Variants in CLN8 observed in about 807,000 individuals in gnomAD.
The protein encoded by CLN8 is CLN8 transmembrane ER and ERGIC protein, also known as protein CLN8.
CLN8 carries 14 observed loss-of-function variants against 15.7 expected under a neutral mutation model. The ratio of observed to expected loss-of-function variants is 0.89; its 90% CI spans 0.59 to 1.39. CLN8 has a LOEUF of 1.39. Ranked by LOEUF, CLN8 falls within the 40% of genes most tolerant of loss-of-function variation. The probability of loss-of-function intolerance (pLI) is 0.00; values close to 1 mark genes in which losing one functional copy is unlikely to be tolerated. For missense variants in CLN8, 415 were observed against 364.0 expected, an observed-to-expected ratio of 1.14 and a Z score of -1.14; for synonymous variants, 188 against 151.0, an observed-to-expected ratio of 1.25 and a Z score of -1.80.
chr8:1,756,932 C>G (rs1239478176), intron 1 of CLN8, among the ~76,000 whole-genome samples: 1 of 152,134 alleles, frequency 6.6e-6, no homozygotes, highest in East Asian at 1.9e-4. Flanking sequence ...ACCCACCCAC[C>G]TCGGCATCCC....
chr8:1,768,869 T>A (rs1660335364), intron 1 of CLN8, among the ~76,000 whole-genome samples: 1 of 152,092 alleles, frequency 6.6e-6, no homozygotes, highest in Admixed American at 6.5e-5. Flanking sequence ...TTAACAGAAA[T>A]GTGTTTGGAG....
chr8:1,755,492 C>G (rs1038624192), upstream of CLN8, among the ~76,000 whole-genome samples: 7 of 152,192 alleles, frequency 4.6e-5, no homozygotes, highest in Non-Finnish European at 1.0e-4. Flanking sequence ...ATACAAGTGC[C>G]TCCCCCCGTT....
chr8:1,760,109 T>G (rs1800757746), upstream of CLN8: 1 of 152,202 alleles, frequency 6.6e-6, no homozygotes, highest in South Asian at 2.1e-4. Context: ...CATGGCATCG[T>G]ACTTCAAAAT....
At chr8:1,767,784 G>A (rs1465642176) in intron 1 of CLN8, among the ~76,000 whole-genome samples, 1 of 151,780 alleles carries the variant, frequency 6.6e-6, no homozygotes, top group Non-Finnish European at 1.5e-5. Flanking sequence ...TGTTGGCCAG[G>A]CTGGTCTCGA....
chr8:1,760,373 C>G (rs953957545), upstream of CLN8: 2 of 152,106 alleles, frequency 1.3e-5, no homozygotes, highest in Non-Finnish European at 1.5e-5. Context: ...GAGGGGAGTA[C>G]ACAGGCTGTA....
intron 2 of CLN8, among the ~76,000 whole-genome samples, chr8:1,772,374 T>C (rs964826021): frequency 1.6e-4 from 24 of 152,252 alleles, no homozygotes; most frequent in African/African-American, 5.5e-4. Flanking sequence ...TAGCACTTTC[T>C]TTCTGTTTTT....
chr8:1,785,912 C>A lies in CLN8; in HGVS notation c.*5345C>A. On this transcript the variant is annotated 3_prime_UTR_variant, in exon 3 of 3. Coordinates refer to ENST00000331222, the MANE Select transcript of CLN8 (RefSeq NM_018941.4). ...AGCCCTCAGGGTCTCCAGACCCCAG[C>A]CCCACTCACACAGCAGCCTAGGAAG... 6.5e-6 allele frequency: 1 copy of A among 154,066 alleles called. No individual in the cohort carries two copies. Among genetic ancestry groups the A allele is most frequent in the Non-Finnish European group, 1.4e-5 (1 of 69,068 alleles). 9.5% of individuals were successfully genotyped at this position (154,066 alleles called of 1,614,324 possible).
chr8:1,777,243 A>G (rs1384112053), intron 2 of CLN8, among the ~76,000 whole-genome samples: 2 of 152,212 alleles, frequency 1.3e-5, no homozygotes, highest in African/African-American at 4.8e-5. Context: ...ATAGAAAGGT[A>G]TAGTAAAAAT....
At chr8:1,769,036 C>T (rs922736159) in intron 1 of CLN8, among the ~76,000 whole-genome samples, 1 of 152,150 alleles carries the variant, frequency 6.6e-6, no homozygotes, top group African/African-American at 2.4e-5. Context: ...CAGCATGACA[C>T]GGGAGCCGTT....
Position 1,785,834 on chromosome 8 carries a change from A to G in CLN8, c.*5267A>G. The G allele has an allele frequency of 6.2e-6, 1 of 162,402 alleles. No homozygotes were observed. The highest frequency in any genetic ancestry group is 1.4e-4 in the South Asian group (1 of 6,970). The allele number at this position is 162,402 out of a possible 1,614,324, so 10.1% of individuals were successfully genotyped here. ...CTGCTGTGGCTTCGGCAGTAAAGACAGGACGCACCCATGTCACAAGAGGAG... is the reference window on the plus strand; with the variant it reads ...CTGCTGTGGCTTCGGCAGTAAAGACGGGACGCACCCATGTCACAAGAGGAG... On this transcript the variant is annotated 3_prime_UTR_variant, in exon 3 of 3. Coordinates refer to ENST00000331222, the MANE Select transcript of CLN8 (RefSeq NM_018941.4).
In CLN8 at chr8:1,786,032, G is replaced by T. The variant is rs1001247093; in HGVS notation, c.*5465G>T. The stretch of plus-strand genomic sequence containing the variant: ...AGGAATGACAGATCAGGGAACTGCA[G>T]GAAGCTGCCACCTCTGGGGTCAGAA... On this transcript the variant is annotated 3_prime_UTR_variant, in exon 3 of 3. Coordinates refer to ENST00000331222, the MANE Select transcript of CLN8 (RefSeq NM_018941.4). 6.5e-6 allele frequency: 1 copy of T among 153,698 alleles called. No homozygotes were observed. Among genetic ancestry groups the T allele is most frequent in the African/African-American group, 2.4e-5 (1 of 41,474 alleles). The allele number at this position is 153,698 out of a possible 1,614,324, so 9.5% of individuals were successfully genotyped here.
chr8:1,772,251 G>C (rs1170871537), intron 2 of CLN8, among the ~76,000 whole-genome samples: 1 of 151,704 alleles, frequency 6.6e-6, no homozygotes, highest in Non-Finnish European at 1.5e-5. Context: ...TAATACTTTA[G>C]AAAAACTGAA....
At position 1,771,689 on chromosome 8, in the gene CLN8, G is replaced by C. The variant is rs1801314327; in HGVS notation, c.543+92G>C. On this transcript the variant is annotated intron_variant, in intron 2 of 2. Transcript: ENST00000331222. ...GGACGCTGCCATAAACTCAACAGCA[G>C]GCTGGATTGCAGCACACACATTCAG... 1.7e-6 allele frequency: 2 copies of C among 1,184,744 alleles called. 1 individual carries two copies. Among genetic ancestry groups the C allele is most frequent in the South Asian group, 2.6e-5 (2 of 77,938 alleles). 73.4% of individuals were successfully genotyped at this position (1,184,744 alleles called of 1,614,324 possible).
At chr8:1,775,039 T>TATA (rs1357468765) in intron 2 of CLN8, among the ~76,000 whole-genome samples, 23 of 152,200 alleles carry the variant, frequency 1.5e-4, no homozygotes, top group Non-Finnish European at 2.8e-4. Flanking sequence ...TGTGTGTGTA[T>TATA]ATATATGTAT....
At chr8:1,775,621 A>G (rs1487340106) in intron 2 of CLN8, among the ~76,000 whole-genome samples, 3 of 152,248 alleles carry the variant, frequency 2.0e-5, no homozygotes, top group African/African-American at 7.2e-5. Flanking sequence ...TAAGTGAGGA[A>G]AATGGTGGAG....
intron 1 of CLN8, among the ~76,000 whole-genome samples, chr8:1,757,875 C>A (rs7842425): frequency 0.67 from 101,224 of 152,044 alleles, 34,009 homozygotes; most frequent in South Asian, 0.77. Context: ...AGGAAGAACC[C>A]TGCCAAATGT....
chr8:1,764,061 C>T (rs940559911), intron 1 of CLN8, 176 bp downstream of exon 1: 7 of 152,268 alleles, frequency 4.6e-5, no homozygotes, highest in Non-Finnish European at 2.9e-5. Flanking sequence ...CCGGGGATCC[C>T]AGGTGAGGGG....
At chr8:1,774,417 A>C (rs1397938965) in intron 2 of CLN8, among the ~76,000 whole-genome samples, 1 of 152,232 alleles carries the variant, frequency 6.6e-6, no homozygotes, top group Non-Finnish European at 1.5e-5. Context: ...AATACTAATA[A>C]ATGCAGTAAG....
chr8:1,776,648 CTT>C lies in CLN8; in HGVS notation c.544-3600_544-3599del, dbSNP rs552608816. Reference sequence around the variant, plus strand: ...GTCTTTCCTTTGGTTTTTGTCAGCTCTTTGTTTACTTGATAAATGCTTGAGTG... The same window carrying C: ...GTCTTTCCTTTGGTTTTTGTCAGCTCTGTTTACTTGATAAATGCTTGAGTG... On this transcript the variant is annotated intron_variant, in intron 2 of 2. Coordinates refer to ENST00000331222, the MANE Select transcript of CLN8 (RefSeq NM_018941.4). 5.3e-5 allele frequency among the ~76,000 whole-genome samples: 8 copies of C among 152,278 alleles called. No individual in the cohort carries two copies. The East Asian group carries it at 1.5e-3, about 29-fold the overall frequency.
Sources: gnomAD v4.1 joint callset for allele counts (sites outside exome capture counted in the v4.1 genomes callset) on GRCh38, gnomAD v4.1.1 for gene constraint, MANE v1.5 for transcripts, NCBI Gene and HGNC (gene_info 2026-07-23, HGNC 2026-07-21) for gene names.